CDH11: variants seen among roughly 807,000 people sequenced by gnomAD.
CDH11 encodes cadherin 11.
In CDH11, 11 loss-of-function variants were observed where a neutral mutation model predicts 67.8. The observed-to-expected ratio is 0.16, with a 90% CI of 0.10 to 0.27. The LOEUF (loss-of-function observed/expected upper bound fraction) is 0.27, where lower values mean the gene tolerates loss of function less well. Ranked by LOEUF, CDH11 falls within the 10% of genes least tolerant of loss-of-function variation. The pLI is 1.00. For missense variants in CDH11, 847 were observed against 1,031.2 expected (o/e 0.82, Z 2.45); for synonymous variants, 419 against 400.0 (o/e 1.05, Z -0.57).
intron 1 of CDH11, among the ~76,000 whole-genome samples, chr16:65,054,833 C>A (rs922450887): frequency 6.6e-6 from 1 of 152,182 alleles, no homozygotes; most frequent in African/African-American, 2.4e-5. Context: ...CAGCTTATTT[C>A]TTTGACTTGA....
At chr16:65,078,795 A>T (rs1413505650) in intron 1 of CDH11, among the ~76,000 whole-genome samples, 1 of 152,148 alleles carries the variant, frequency 6.6e-6, no homozygotes, top group Non-Finnish European at 1.5e-5. Context: ...TTCACAGGGG[A>T]GAAAACTGAG....
intron 1 of CDH11, among the ~76,000 whole-genome samples, chr16:65,058,728 C>T (rs1243156789): frequency 6.6e-6 from 1 of 152,142 alleles, no homozygotes; most frequent in Admixed American, 6.5e-5. Flanking sequence ...GAGAACAAGA[C>T]TTAAAATCAA....
At chr16:64,970,767 G>T (rs1234061079) in intron 11 of CDH11, among the ~76,000 whole-genome samples, 1 of 152,126 alleles carries the variant, frequency 6.6e-6, no homozygotes, top group Non-Finnish European at 1.5e-5. Flanking sequence ...TCCTCCTTTT[G>T]CTCCCATGTT....
intron 8 of CDH11, among the ~76,000 whole-genome samples, chr16:64,973,317 A>G (rs2072064418): frequency 6.6e-6 from 1 of 152,216 alleles, no homozygotes; most frequent in African/African-American, 2.4e-5. Flanking sequence ...CTCCATATTT[A>G]CTACAATCAC....
chr16:65,094,463 G>C (rs2142838579), intron 1 of CDH11: 1 of 151,632 alleles, frequency 6.6e-6, no homozygotes, highest in East Asian at 1.9e-4. Context: ...ACACACAGTA[G>C]ATATGTATTT....
At chr16:64,970,893 A>T (rs191946263) in intron 11 of CDH11, among the ~76,000 whole-genome samples, 13 of 152,328 alleles carry the variant, frequency 8.5e-5, no homozygotes, top group African/African-American at 3.1e-4. Context: ...AGTAAAAAAT[A>T]TATACATATA....
rs1174162296 is a variant in CDH11, at chr16:64,998,879, T to C, written c.229-23A>G. On this transcript the variant is annotated intron_variant, in intron 3 of 12. Coordinates refer to ENST00000268603, the MANE Select transcript of CDH11 (RefSeq NM_001797.4). Reference sequence around the variant, plus strand: ...AAGCTGGAAGAAAGAGAAATTGAGATTTTTAATTCCATGAGGAAAGCAGTG... The same window carrying C: ...AAGCTGGAAGAAAGAGAAATTGAGACTTTTAATTCCATGAGGAAAGCAGTG... 1.9e-6 allele frequency: 3 copies of C among 1,605,620 alleles called. No homozygotes were observed. The Admixed American group carries it at 5.0e-5, about 27-fold the overall frequency.
At chr16:64,974,585 A>G (rs1320209538) in intron 8 of CDH11, among the ~76,000 whole-genome samples, 1 of 152,118 alleles carries the variant, frequency 6.6e-6, no homozygotes, top group Non-Finnish European at 1.5e-5. Context: ...GAGCTCATTC[A>G]TGATGTCACT....
Position 64,946,164 on chromosome 16 carries a change from G to A in CDH11, c.*1439C>T, listed in dbSNP as rs139754214. On this transcript the variant is annotated 3_prime_UTR_variant, in exon 13 of 13. Transcript: ENST00000268603. ...TAAACAAAGCTTTTTTAAATGAATC[G>A]CCCATTCTCATTAAAACATAAAATG... 36 of 1,052,506 alleles carry A rather than the reference G, an allele frequency of 3.4e-5. 1 individual carries two copies. The highest frequency in any genetic ancestry group is 8.5e-4 in the Middle Eastern group (2 of 2,354). The allele number at this position is 1,052,506 out of a possible 1,614,324, so 65.2% of individuals were successfully genotyped here.
chr16:64,948,930 T>A, intron 12 of CDH11: 2 of 635,504 alleles, frequency 3.1e-6, no homozygotes, highest in East Asian at 5.6e-5. Context: ...AAGAAAATGT[T>A]TGTGGCTGAA....
At chr16:65,039,602 A>C (rs1268313449) in intron 2 of CDH11, among the ~76,000 whole-genome samples, 2 of 152,246 alleles carry the variant, frequency 1.3e-5, no homozygotes, top group Admixed American at 1.3e-4. Flanking sequence ...AAAACCATAA[A>C]AACCCTAGAA....
intron 2 of CDH11, among the ~76,000 whole-genome samples, chr16:65,010,475 T>C (rs2073154031): frequency 6.6e-6 from 1 of 152,148 alleles, no homozygotes; most frequent in African/African-American, 2.4e-5. Context: ...CACTTCTCAA[T>C]AATTCTTCTC....
In CDH11 at chr16:65,122,024, G is replaced by C. The variant is rs927020631; in HGVS notation, c.-442C>G. On this transcript the variant is annotated 5_prime_UTR_variant, in exon 1 of 13. Transcript: ENST00000268603. ...GCGGCCCCCGCGGCATCTGCTCCTC[G>C]GCCCGCGACGCTCCCCTCAGCTGGC... 5 of 695,238 alleles carry C rather than the reference G, an allele frequency of 7.2e-6. No individual in the cohort carries two copies. The highest frequency in any genetic ancestry group is 1.8e-5 in the African/African-American group (1 of 56,532). 43.1% of individuals were successfully genotyped at this position (695,238 alleles called of 1,614,324 possible). A position where few individuals can be genotyped will look rare whatever the true frequency, so the allele number is the denominator to read the frequency against.
intron 3 of CDH11, among the ~76,000 whole-genome samples, chr16:65,003,104 G>T: frequency 2.2e-5 from 3 of 136,566 alleles, no homozygotes; most frequent in African/African-American, 2.7e-5. Flanking sequence ...TTTTTGAGAT[G>T]GAGGCCTTTG....
intron 2 of CDH11, among the ~76,000 whole-genome samples, chr16:65,038,894 A>G (rs2073808670): frequency 6.6e-6 from 1 of 152,204 alleles, no homozygotes; most frequent in African/African-American, 2.4e-5. Context: ...ATGCTCTAAG[A>G]ACAGGTGAGA....
In CDH11 at chr16:64,947,817, T is replaced by C. The variant is rs878880646; in HGVS notation, c.2177A>G (p.Gln726Arg). ...DVDDFINTRI[Q>R]EADNDPTAPP... is the part of the protein sequence containing the mutation. ...AGCCGTGGGGTCATTGTCTGCCTCC[T>C]GTATTCTCGTGTTGATGAAGTCATC... The change falls in exon 13 of 13, where the codon CAG (glutamine) becomes CGG (arginine). Residue 726 changes from glutamine to arginine, a missense_variant. By Grantham distance (43) the Gln-to-Arg change is conservative. This residue lies in a region of CDH11 where 612 missense variants were observed against 678.7 expected (regional missense o/e 0.90). Coordinates refer to ENST00000268603, the MANE Select transcript of CDH11 (RefSeq NM_001797.4). The C allele has an allele frequency of 2.0e-5, 33 of 1,614,072 alleles. No homozygotes were observed. The highest frequency in any genetic ancestry group is 2.7e-5 in the Non-Finnish European group (32 of 1,180,028).
At chr16:65,123,224 T>G (rs951995160), upstream of CDH11, among the ~76,000 whole-genome samples, 4 of 151,890 alleles carry the variant, frequency 2.6e-5, no homozygotes, top group Non-Finnish European at 5.9e-5. Context: ...GACCCCTGGC[T>G]TGAACAAGTT....
At chr16:64,957,325 A>C (rs1404643794) in intron 11 of CDH11, among the ~76,000 whole-genome samples, 1 of 151,994 alleles carries the variant, frequency 6.6e-6, no homozygotes, top group Non-Finnish European at 1.5e-5. Context: ...CTGTTGGAAA[A>C]CCGAGAATGT....
chr16:64,981,664 T>C (rs2072353867), intron 8 of CDH11: 1 of 158,220 alleles, frequency 6.3e-6, no homozygotes, highest in South Asian at 2.0e-4. Flanking sequence ...TTAGATCACA[T>C]ACCTAACCTC....
Sources: allele counts gnomAD v4.1 joint callset (sites outside exome capture counted in the v4.1 genomes callset), GRCh38; gene constraint gnomAD v4.1.1; regional missense constraint gnomAD v4.1.1; transcripts MANE v1.5; gene names NCBI Gene and HGNC (gene_info 2026-07-23, HGNC 2026-07-21).